The following PRR12 variants were observed in gnomAD, a reference collection of about 807,000 sequenced individuals.
PRR12 encodes the protein proline-rich protein 12.
In PRR12, 12 loss-of-function variants were observed where a neutral mutation model predicts 138.0. The observed-to-expected ratio is 0.09, with a 90% CI of 0.06 to 0.14. PRR12 has a LOEUF of 0.14. Among genes scored for constraint, PRR12 ranks in the 10% least tolerant of loss-of-function variants. The pLI is 1.00. For missense variants in PRR12, 2,692 were observed against 2,861.3 expected (o/e 0.94, Z 1.35); for synonymous variants, 1,567 against 1,291.7 (o/e 1.21, Z -4.57).
At chr19:49,609,205 C>T (rs1284591189) in intron 6 of PRR12, among the ~76,000 whole-genome samples, 1 of 152,106 alleles carries the variant, frequency 6.6e-6, no homozygotes. Flanking sequence ...TTCCCAGCTA[C>T]CCTAGAGGCT....
chr19:49,611,139 G>A (rs1295312072), intron 6 of PRR12, among the ~76,000 whole-genome samples: 1 of 152,024 alleles, frequency 6.6e-6, no homozygotes, highest in Non-Finnish European at 1.5e-5. Context: ...ACTGCGCCTG[G>A]CCATGAAACC....
intron 8 of PRR12, among the ~76,000 whole-genome samples, chr19:49,615,357 C>A (rs11083980): frequency 0.87 from 132,172 of 151,368 alleles, 58,007 homozygotes; most frequent in African/African-American, 0.97. Flanking sequence ...GATCCAGAGA[C>A]AGGGAGACAG....
chr19:49,604,966 C>T (rs1192632424), intron 6 of PRR12, among the ~76,000 whole-genome samples: 1 of 152,082 alleles, frequency 6.6e-6, no homozygotes, highest in Non-Finnish European at 1.5e-5. Context: ...ATTCTCATAA[C>T]TCAGCCTCTC....
chr19:49,597,385 A>C lies in PRR12; in HGVS notation c.3050A>C (p.Glu1017Ala). Reference sequence around the variant, plus strand: ...GGCCTGGACCCCAACAAACCGCCTGAACTGCCCTCCACGGTCAACGCCGAG... The same window carrying C: ...GGCCTGGACCCCAACAAACCGCCTGCACTGCCCTCCACGGTCAACGCCGAG... ...GLGLDPNKPP[E>A]LPSTVNAEPL... The change falls in exon 4 of 14, where the codon GAA becomes GCA. Residue 1017 changes from glutamate (E) to alanine (A), a missense_variant. This residue lies in a region of PRR12 where 840 missense variants were observed against 689.8 expected (regional missense o/e 1.22). Transcript: ENST00000418929. The surrounding 1 kb of genome is among the most constrained non-coding windows in gnomAD (Gnocchi z 6.3). 1.3e-6 allele frequency: 2 copies of C among 1,537,738 alleles called. No homozygotes were observed. Among genetic ancestry groups the C allele is most frequent in the Non-Finnish European group, 1.7e-6 (2 of 1,146,520 alleles).
Position 49,597,304 on chromosome 19 carries a change from A to G in PRR12, c.2969A>G (p.Tyr990Cys), listed in dbSNP as rs1369159972. ...PPPGPPAYDP[Y>C]GPYCPGRASG... ...CCCGGCCCCCCTGCTTATGATCCCTATGGGCCCTACTGTCCTGGCCGGGCG... is the reference window on the plus strand; with the variant it reads ...CCCGGCCCCCCTGCTTATGATCCCTGTGGGCCCTACTGTCCTGGCCGGGCG... Residue 990 changes from tyrosine (Y) to cysteine (C), a missense_variant, in exon 4 of 14, where the codon TAT becomes TGT. Tyr to Cys is a radical substitution (Grantham distance 194). Around this residue, in one of 11 missense-constraint regions of PRR12, gnomAD observed 840 missense variants for 689.8 expected, o/e 1.22. Coordinates refer to ENST00000418929, the MANE Select transcript of PRR12 (RefSeq NM_020719.3). This position sits in a 1 kb window ranked among gnomAD's most constrained non-coding sequence, Gnocchi z 6.3. The G allele has an allele frequency of 4.5e-6, 7 of 1,558,606 alleles. No individual in the cohort carries two copies. Among genetic ancestry groups the G allele is most frequent in the African/African-American group, 4.1e-5 (3 of 73,650 alleles).
Position 49,614,831 on chromosome 19 carries a change from TG to T in PRR12, c.4891-42del. On this transcript the variant is annotated intron_variant, in intron 7 of 13. Transcript: ENST00000418929. The surrounding 1 kb of genome is among the most constrained non-coding windows in gnomAD (Gnocchi z 5.0). ...GGCACGGGGGTGTTGGCCATCTGGC[TG>T]GGCAGTGTGAAGAATTTCCTCATGT... is the stretch of plus-strand genomic sequence containing the variant. 1 of 1,613,460 alleles carries T rather than the reference TG, an allele frequency of 6.2e-7. No individual in the cohort carries two copies.
At position 49,616,331 on chromosome 19, in the gene PRR12, T is replaced by C; in HGVS notation, c.5497+112T>C. 1 of 969,074 alleles carries C rather than the reference T, an allele frequency of 1.0e-6. No individual in the cohort carries two copies. Among genetic ancestry groups the C allele is most frequent in the Non-Finnish European group, 1.5e-6 (1 of 677,788 alleles). The allele number at this position is 969,074 out of a possible 1,614,324, so 60.0% of individuals were successfully genotyped here. A position where few individuals can be genotyped will look rare whatever the true frequency, so the allele number is the denominator to read the frequency against. ...GGCAGGACAGTAAGAACCAGTATGT[T>C]ACAGATAATGGCAGTAGCTCACAGT... On this transcript the variant is annotated intron_variant, in intron 9 of 13. Coordinates refer to ENST00000418929, the MANE Select transcript of PRR12 (RefSeq NM_020719.3). The surrounding 1 kb of genome is among the most constrained non-coding windows in gnomAD (Gnocchi z 4.2).
chr19:49,622,966 GAGAGAGAGAT>G, intron 11 of PRR12, among the ~76,000 whole-genome samples: 1 of 144,712 alleles, frequency 6.9e-6, no homozygotes, highest in Non-Finnish European at 1.5e-5. Flanking sequence ...GAAAGAGAGA[GAGAGAGAGAT>G]ATTAATATGA....
In PRR12 at chr19:49,596,042, G is replaced by A; in HGVS notation, c.1707G>A (p.Gln569=). The A allele has an allele frequency of 6.2e-7, 1 of 1,601,578 alleles. No homozygotes were observed. The highest frequency in any genetic ancestry group is 8.5e-7 in the Non-Finnish European group (1 of 1,179,732). The change falls in exon 4 of 14, where the codon CAG becomes CAA. Residue 569 remains glutamine, a synonymous_variant. Transcript: ENST00000418929. The surrounding 1 kb of genome is among the most constrained non-coding windows in gnomAD (Gnocchi z 5.6). ...CATCTCACATCATTCGTCCGCTCCA[G>A]TCACCGCCTGCCACCGGCCGTCCAC... ...ASPSHIIRPL[Q]SPPATGRPPG...
At position 49,624,929 on chromosome 19, in the gene PRR12, C is replaced by G; in HGVS notation, c.5807C>G (p.Ala1936Gly). 1 of 1,601,030 alleles carries G rather than the reference C, an allele frequency of 6.2e-7. No individual in the cohort carries two copies. The highest frequency in any genetic ancestry group is 8.5e-7 in the Non-Finnish European group (1 of 1,173,296). The change falls in exon 12 of 14, where the codon GCT becomes GGT. Residue 1936 changes from alanine (A) to glycine (G), a missense_variant. Physicochemically the swap from Ala to Gly is moderately conservative, Grantham distance 60 (BLOSUM62 0). Transcript: ENST00000418929. ...GAGGGGGCTGTGCGGCTGCGGCCTGCTGGGGAACCCTACAACCGCAAGACG... is the reference window on the plus strand; with the variant it reads ...GAGGGGGCTGTGCGGCTGCGGCCTGGTGGGGAACCCTACAACCGCAAGACG... ...PEEGAVRLRP[A>G]GEPYNRKTLS...
At chr19:49,609,716 G>C (rs2080856108) in intron 6 of PRR12, among the ~76,000 whole-genome samples, 1 of 152,188 alleles carries the variant, frequency 6.6e-6, no homozygotes, top group South Asian at 2.1e-4. Flanking sequence ...TGTGTTTGAG[G>C]TGTACAGGGA....
Position 49,601,539 on chromosome 19 carries a change from CG to C in PRR12, c.4395del (p.Thr1466LeufsTer182). On this transcript the variant is annotated frameshift_variant, in exon 6 of 14. Transcript: ENST00000418929. LOFTEE classifies it high-confidence loss of function. ...EKPPPTPPPA[P>X]TPQPQPPPPP... ...CCCCCACCCACTCCACCTCCTGCCC[CG>C]ACTCCTCAGCCTCAGCCTCCGCCAC... The C allele has an allele frequency of 6.5e-7, 1 of 1,541,224 alleles. No homozygotes were observed. The highest frequency in any genetic ancestry group is 2.5e-5 in the East Asian group (1 of 40,748).
intron 6 of PRR12, among the ~76,000 whole-genome samples, chr19:49,605,605 C>T (rs1363366787): frequency 1.3e-5 from 2 of 152,274 alleles, no homozygotes; most frequent in Non-Finnish European, 1.5e-5. Flanking sequence ...GCACCGTGTA[C>T]GTTCTAGTCA....
rs2080895066 is a variant in PRR12, at chr19:49,616,709, A to C, written c.5497+490A>C. Among the ~76,000 whole-genome samples, 1 of 152,162 alleles carries C rather than the reference A, an allele frequency of 6.6e-6. No homozygotes were observed. The highest frequency in any genetic ancestry group is 6.6e-5 in the Admixed American group (1 of 15,258). ...AAAGAGGCATAACCTCTTGTGCCTT[A>C]GTGACCTCACCTGTAAAATGGGTTC... On this transcript the variant is annotated intron_variant, in intron 9 of 13. Coordinates refer to ENST00000418929, the MANE Select transcript of PRR12 (RefSeq NM_020719.3). The surrounding 1 kb of genome is among the most constrained non-coding windows in gnomAD (Gnocchi z 4.2).
In PRR12 at chr19:49,598,159, C is replaced by T. The variant is rs1477091050; in HGVS notation, c.3678+146C>T. ...CACGATCTCGGTTCACTGCAAGCTC[C>T]GCCTCCCGGGTTCACGCCATTCTCC... On this transcript the variant is annotated intron_variant, in intron 4 of 13. Transcript: ENST00000418929. The T allele has an allele frequency of 1.1e-5, 11 of 965,670 alleles. No homozygotes were observed. The African/African-American group carries it at 1.2e-4, about 10-fold the overall frequency. The allele number at this position is 965,670 out of a possible 1,614,324, so 59.8% of individuals were successfully genotyped here. A position where few individuals can be genotyped will look rare whatever the true frequency, so the allele number is the denominator to read the frequency against.
intron 9 of PRR12, among the ~76,000 whole-genome samples, chr19:49,617,957 GT>G (rs2068356729): frequency 6.6e-6 from 1 of 152,110 alleles, no homozygotes; most frequent in South Asian, 2.1e-4. Flanking sequence ...AATTAGCCGG[GT>G]GTGGTGGTGC....
In PRR12 at chr19:49,610,790, G is replaced by T. The variant is rs8102888; in HGVS notation, c.4774-3743G>T. On this transcript the variant is annotated intron_variant, in intron 6 of 13. Transcript: ENST00000418929. ...GATCTCCTGACCTCGTGATCCGCCC[G>T]CCTTGGCCTCCCAAAGTGCTGGGAT... 4.0e-5 allele frequency among the ~76,000 whole-genome samples: 6 copies of T among 151,516 alleles called. No homozygotes were observed. The East Asian group carries it at 1.2e-3, about 30-fold the overall frequency.
chr19:49,616,091 A>C lies in PRR12; in HGVS notation c.5369A>C (p.Lys1790Thr). 1.9e-6 allele frequency: 3 copies of C among 1,568,844 alleles called. No homozygotes were observed. The highest frequency in any genetic ancestry group is 1.9e-5 in the Admixed American group (1 of 53,228). Residue 1790 changes from lysine (K) to threonine (T), a missense_variant, in exon 9 of 14, where the codon AAG becomes ACG. Around this residue, in one of 11 missense-constraint regions of PRR12, gnomAD observed 259 missense variants for 265.1 expected, o/e 0.98. Coordinates refer to ENST00000418929, the MANE Select transcript of PRR12 (RefSeq NM_020719.3). This position sits in a 1 kb window ranked among gnomAD's most constrained non-coding sequence, Gnocchi z 4.2. ...RLPKARPTKVKAEPPPKKRKK... is the reference protein window; with the variant it reads ...RLPKARPTKVTAEPPPKKRKK... ...CCCAAAGCCCGGCCTACCAAGGTGA[A>C]GGCTGAACCGCCCCCTAAGAAGAGG...
At position 49,599,371 on chromosome 19, in the gene PRR12, C is replaced by T. The variant is rs746321668; in HGVS notation, c.3778C>T (p.Arg1260Trp). 3.7e-6 allele frequency: 6 copies of T among 1,612,852 alleles called. No individual in the cohort carries two copies. The highest frequency in any genetic ancestry group is 2.2e-5 in the East Asian group (1 of 44,868). The change falls in exon 5 of 14, where the codon CGG becomes TGG. Residue 1260 changes from arginine (R) to tryptophan (W), a missense_variant. This residue lies in a region of PRR12 where 326 missense variants were observed against 344.2 expected (regional missense o/e 0.95). Transcript: ENST00000418929. This position sits in a 1 kb window ranked among gnomAD's most constrained non-coding sequence, Gnocchi z 5.0. ...DHNSLDSSLTREKIEAKIKEV... is the reference protein window; with the variant it reads ...DHNSLDSSLTWEKIEAKIKEV... ...CAACAGCCTGGACTCGAGCCTGACT[C>T]GGGAGAAGATCGAGGCCAAGATTAA...
Sources: gnomAD v4.1 joint callset for allele counts (sites outside exome capture counted in the v4.1 genomes callset) on GRCh38, gnomAD v4.1.1 for gene constraint, gnomAD v4.1.1 regional missense constraint, Gnocchi (gnomAD v3.1) non-coding constraint, MANE v1.5 for transcripts, NCBI Gene and HGNC (gene_info 2026-07-23, HGNC 2026-07-21) for gene names.